ARHGAP23: variants seen among roughly 807,000 people sequenced by gnomAD.
ARHGAP23 encodes rho GTPase-activating protein 23.
A neutral mutation model predicts 136.3 loss-of-function variants in ARHGAP23; 34 were observed. The ratio of observed to expected loss-of-function variants is 0.25; its 90% CI spans 0.19 to 0.33. The LOEUF (loss-of-function observed/expected upper bound fraction) is 0.33, where lower values mean the gene tolerates loss of function less well. Ranked by LOEUF, ARHGAP23 falls within the 10% of genes least tolerant of loss-of-function variation. The pLI, the probability that ARHGAP23 is intolerant of heterozygous loss-of-function variation, is 1.00. For missense variants in ARHGAP23, 1,808 were observed against 2,139.0 expected, an observed-to-expected ratio of 0.85 and a Z score of 3.05; for synonymous variants, 832 against 920.5, an observed-to-expected ratio of 0.90 and a Z score of 1.74.
intron 22 of ARHGAP23, 27 bp from the exon 23 acceptor site, chr17:38,500,570 A>C (rs2040497741): frequency 6.6e-7 from 1 of 1,519,800 alleles, no homozygotes; most frequent in Non-Finnish European, 8.9e-7. Flanking sequence ...TGCAACTTTC[A>C]TTTTTTTTTC....
chr17:38,501,793 C>T (rs557466006), intron 23 of ARHGAP23, among the ~76,000 whole-genome samples: 9 of 152,016 alleles, frequency 5.9e-5, no homozygotes, highest in Admixed American at 2.6e-4. Context: ...ATGAAAACTT[C>T]AGGACCAGAT....
chr17:38,509,884 C>G, intron 23 of ARHGAP23, 60 bp from the exon 24 acceptor site: 1 of 1,196,184 alleles, frequency 8.4e-7, no homozygotes, highest in Non-Finnish European at 1.1e-6. Context: ...CCGGGTAGAG[C>G]GGGGTCGGCA....
chr17:38,472,430 G>A (rs1395098173), intron 11 of ARHGAP23, among the ~76,000 whole-genome samples: 1 of 152,118 alleles, frequency 6.6e-6, no homozygotes, highest in African/African-American at 2.4e-5. Context: ...AAAAGCTCTC[G>A]GGGGCTCTTG....
In ARHGAP23 at chr17:38,466,803, C is replaced by T. The variant is rs1195223828; in HGVS notation, c.1120C>T (p.Arg374Cys). Residue 374 changes from arginine (R) to cysteine (C), a missense_variant, in exon 7 of 24, where the codon CGC becomes TGC. Around this residue, in one of 7 missense-constraint regions of ARHGAP23, gnomAD observed 859 missense variants for 936.4 expected, o/e 0.92. Transcript: ENST00000622683. ...ALGPGALVSPRFERCGWASQR... is the reference protein window; with the variant it reads ...ALGPGALVSPCFERCGWASQR... The stretch of plus-strand genomic sequence containing the variant: ...GGGGCCAGGGGCACTGGTGTCACCC[C>T]GCTTTGAGCGGTGTGGCTGGGCTTC... The T allele has an allele frequency of 7.7e-6, 12 of 1,549,066 alleles. No individual in the cohort carries two copies. Among genetic ancestry groups the T allele is most frequent in the African/African-American group, 1.4e-5 (1 of 73,038 alleles).
chr17:38,457,927 T>G, intron 1 of ARHGAP23, 175 bp from the exon 2 acceptor site: 1 of 664,450 alleles, frequency 1.5e-6, no homozygotes, highest in Non-Finnish European at 2.5e-6. Flanking sequence ...CTGATGAAGG[T>G]GGGAGAGTAA....
At chr17:38,467,390 G>C (rs2039636758) in intron 7 of ARHGAP23, 59 bp downstream of exon 7, 1 of 1,427,990 alleles carries the variant, frequency 7.0e-7, no homozygotes, top group Non-Finnish European at 9.3e-7. Flanking sequence ...TCTGTGTCCT[G>C]CTGTACCCCA....
At chr17:38,490,779 G>A (rs987914695) in intron 19 of ARHGAP23, among the ~76,000 whole-genome samples, 7 of 152,160 alleles carry the variant, frequency 4.6e-5, no homozygotes, top group African/African-American at 1.7e-4. Flanking sequence ...AGGGAACCCC[G>A]GCCCCCCGTA....
chr17:38,482,778 G>T lies in ARHGAP23; in HGVS notation c.2907+100G>T, dbSNP rs2040076492. 3.7e-5 allele frequency: 49 copies of T among 1,309,110 alleles called. 1 individual carries two copies. In the South Asian group the frequency reaches 6.9e-4, roughly 18 times the overall value. The allele number at this position is 1,309,110 out of a possible 1,614,324, so 81.1% of individuals were successfully genotyped here. ...TGGTCTATTGTGTTGCATGCATTGT[G>T]CCCTATGACATGCCCGGCATTGGTC... On this transcript the variant is annotated intron_variant, in intron 16 of 23. Coordinates refer to ENST00000622683, the MANE Select transcript of ARHGAP23 (RefSeq NM_001199417.2).
intron 23 of ARHGAP23, among the ~76,000 whole-genome samples, chr17:38,506,335 C>T (rs1473705247): frequency 5.3e-5 from 8 of 152,196 alleles, no homozygotes; most frequent in African/African-American, 1.7e-4. Flanking sequence ...ACCAGCAAGT[C>T]GCCTGCTCCA....
At chr17:38,488,171 G>A (rs1393767069) in intron 17 of ARHGAP23, among the ~76,000 whole-genome samples, 2 of 152,168 alleles carry the variant, frequency 1.3e-5, no homozygotes, top group African/African-American at 4.8e-5. Context: ...GCCTTTCAAA[G>A]TGCTGGGATT....
chr17:38,434,922 G>A (rs939253881), intron 1 of ARHGAP23, among the ~76,000 whole-genome samples: 4 of 152,330 alleles, frequency 2.6e-5, no homozygotes, highest in South Asian at 4.1e-4. Flanking sequence ...GGAAGGAGAG[G>A]CTGGAGGGGA....
At position 38,466,253 on chromosome 17, in the gene ARHGAP23, C is replaced by A. The variant is rs1337302082; in HGVS notation, c.570C>A (p.Tyr190Ter). 2 of 1,548,356 alleles carry A rather than the reference C, an allele frequency of 1.3e-6. No homozygotes were observed. Among genetic ancestry groups the A allele is most frequent in the Admixed American group, 2.0e-5 (1 of 50,842 alleles). Residue 190 changes from tyrosine (Y) to a stop codon, truncating the protein, a stop_gained, in exon 7 of 24, where the codon TAC becomes TAA. Transcript: ENST00000622683. LOFTEE classifies it high-confidence loss of function. Reference sequence around the variant, plus strand: ...TCCCAGAGCCACCCCCGATCTGCTACCCCCGCAAGACCTACGCCCCTCCTG... The same window carrying A: ...TCCCAGAGCCACCCCCGATCTGCTAACCCCGCAAGACCTACGCCCCTCCTG... ...RSIPEPPPIC[Y>*]PRKTYAPPAR...
At chr17:38,491,631 G>C in intron 20 of ARHGAP23, 99 bp downstream of exon 20, 1 of 1,487,098 alleles carries the variant, frequency 6.7e-7, no homozygotes, top group Non-Finnish European at 9.1e-7. Context: ...GTGTGCCCCA[G>C]GAAGGGCTCG....
chr17:38,507,081 C>G (rs1445436854), intron 23 of ARHGAP23, among the ~76,000 whole-genome samples: 3 of 151,988 alleles, frequency 2.0e-5, no homozygotes, highest in African/African-American at 7.2e-5. Flanking sequence ...CAAGACCAGC[C>G]TAGCCAACAT....
At chr17:38,447,648 T>C (rs1175149282) in intron 1 of ARHGAP23, among the ~76,000 whole-genome samples, 2 of 152,062 alleles carry the variant, frequency 1.3e-5, no homozygotes, top group South Asian at 2.1e-4. Context: ...GACCCTAGAC[T>C]GATGTGGGGC....
chr17:38,479,542 A>C, intron 13 of ARHGAP23, 45 bp downstream of exon 13: 1 of 1,531,772 alleles, frequency 6.5e-7, no homozygotes, highest in Non-Finnish European at 8.8e-7. Flanking sequence ...TGGGGGTGGT[A>C]GGGGGCTGAA....
rs1454113757 is a variant in ARHGAP23 at position 38,435,677 on chromosome 17, A to C, written c.63+7129A>C. Among the ~76,000 whole-genome samples, 4 of 152,118 alleles carry C rather than the reference A, an allele frequency of 2.6e-5. No homozygotes were observed. The South Asian group carries it at 6.2e-4, about 24-fold the overall frequency. On this transcript the variant is annotated intron_variant, in intron 1 of 23. Transcript: ENST00000622683. Reference sequence around the variant, plus strand: ...GGGTGCAATGGCGCGATCTCGGCTCACTGCAACCTCTCCCGGGTTCAAGAG... The same window carrying C: ...GGGTGCAATGGCGCGATCTCGGCTCCCTGCAACCTCTCCCGGGTTCAAGAG...
In ARHGAP23 at chr17:38,466,675, G is replaced by C. The variant is rs571687561; in HGVS notation, c.992G>C (p.Cys331Ser). The change falls in exon 7 of 24, where the codon TGC (cysteine) becomes TCC (serine). Residue 331 changes from cysteine (C) to serine (S), a missense_variant. By Grantham distance (112) the Cys-to-Ser change is moderately radical. Transcript: ENST00000622683. Reference sequence around the variant, plus strand: ...GTGGCTGCCCCCCGCCCGTGGCCCTGCTCCACCTCCCAGGATGCTTTGAGC... The same window carrying C: ...GTGGCTGCCCCCCGCCCGTGGCCCTCCTCCACCTCCCAGGATGCTTTGAGC... ...EEVAAPRPWP[C>S]STSQDALSQL... is the part of the protein sequence containing the mutation. 1 of 1,518,008 alleles carries C rather than the reference G, an allele frequency of 6.6e-7. No individual in the cohort carries two copies. The highest frequency in any genetic ancestry group is 1.4e-5 in the African/African-American group (1 of 72,768). The allele number at this position is 1,518,008 out of a possible 1,614,324, so 94.0% of individuals were successfully genotyped here.
At chr17:38,453,413 G>A (rs1227545859) in intron 1 of ARHGAP23, among the ~76,000 whole-genome samples, 1 of 134,908 alleles carries the variant, frequency 7.4e-6, no homozygotes, top group Non-Finnish European at 1.6e-5. Context: ...ATGCGCGCGC[G>A]TATGCGTGCG....
Sources: allele counts gnomAD v4.1 joint callset (sites outside exome capture counted in the v4.1 genomes callset), GRCh38; gene constraint gnomAD v4.1.1; regional missense constraint gnomAD v4.1.1; transcripts MANE v1.5; gene names NCBI Gene and HGNC (gene_info 2026-07-23, HGNC 2026-07-21).